Variants in SEC13 observed in about 807,000 individuals in gnomAD.
SEC13 encodes SEC13 homolog, nuclear pore and COPII component.
A neutral mutation model predicts 49.2 loss-of-function variants in SEC13; 25 were observed. The observed-to-expected ratio is 0.51, with a 90% CI of 0.37 to 0.71. The LOEUF (loss-of-function observed/expected upper bound fraction) is 0.71. Among genes scored for constraint, SEC13 ranks in the 30% least tolerant of loss-of-function variants. The probability of loss-of-function intolerance (pLI) is 0.00; values close to 1 mark genes in which losing one functional copy is unlikely to be tolerated. For missense variants in SEC13, 383 were observed against 417.6 expected (o/e 0.92, Z 0.72); for synonymous variants, 148 against 163.9 (o/e 0.90, Z 0.74).
chr3:10,311,508 T>C, intron 5 of SEC13: 3 of 321,702 alleles, frequency 9.3e-6, no homozygotes, highest in Non-Finnish European at 4.5e-6. Flanking sequence ...TATTCCTTGA[T>C]TGAACCACCA....
At chr3:10,308,955 T>C (rs1701073604) in intron 5 of SEC13, among the ~76,000 whole-genome samples, 2 of 123,886 alleles carry the variant, frequency 1.6e-5, no homozygotes, top group Non-Finnish European at 3.5e-5. Context: ...TTTTTTTTTT[T>C]TGAGACAAGT....
intron 1 of SEC13, among the ~76,000 whole-genome samples, chr3:10,320,287 C>A (rs529825704): frequency 6.6e-6 from 1 of 152,182 alleles, no homozygotes; most frequent in African/African-American, 2.4e-5. Context: ...AAACCTGCTG[C>A]TGAGACACAC....
chr3:10,311,171 C>G (rs1263772673), intron 5 of SEC13, among the ~76,000 whole-genome samples: 2 of 152,102 alleles, frequency 1.3e-5, no homozygotes, highest in Non-Finnish European at 2.9e-5. Context: ...AATGGTACGT[C>G]TGCATTGTCC....
chr3:10,305,464 G>C lies in SEC13; in HGVS notation c.584+95C>G, dbSNP rs931350928. 4.8e-6 allele frequency: 7 copies of C among 1,459,770 alleles called. No individual in the cohort carries two copies. In the Admixed American group the frequency reaches 5.9e-5, roughly 12 times the overall value. 90.4% of individuals were successfully genotyped at this position (1,459,770 alleles called of 1,614,324 possible). ...TTACTGGCAGGAGGGAGAAAGAAAGGTGACCTTGTTTCTTGTGAGTGTGGC... is the reference window on the plus strand; with the variant it reads ...TTACTGGCAGGAGGGAGAAAGAAAGCTGACCTTGTTTCTTGTGAGTGTGGC... On this transcript the variant is annotated intron_variant, in intron 6 of 8. Coordinates refer to ENST00000350697, the MANE Select transcript of SEC13 (RefSeq NM_183352.3).
At chr3:10,319,189 T>TG in intron 1 of SEC13, 1 of 1,613,902 alleles carries the variant, frequency 6.2e-7, no homozygotes, top group African/African-American at 1.3e-5. Flanking sequence ...GTATAAAGTT[T>TG]GACTTGTGAT....
intron 1 of SEC13, chr3:10,320,839 C>T (rs1164874463): frequency 2.3e-6 from 3 of 1,318,310 alleles, no homozygotes; most frequent in Non-Finnish European, 2.9e-6. Context: ...AGCGGCGCGC[C>T]CCGCAAAGTC....
chr3:10,305,520 AGT>A (rs1337310257), intron 6 of SEC13, 37 bp downstream of exon 6: 3 of 1,608,922 alleles, frequency 1.9e-6, no homozygotes, highest in Non-Finnish European at 2.5e-6. Flanking sequence ...AAAGGGTAGA[AGT>A]GTCCCCTCAA....
At chr3:10,306,831 C>T (rs553970937) in intron 5 of SEC13, among the ~76,000 whole-genome samples, 1 of 152,216 alleles carries the variant, frequency 6.6e-6, no homozygotes, top group Non-Finnish European at 1.5e-5. Flanking sequence ...TCCTCCTTGC[C>T]TTCTGCCATG....
rs1701524294 is a variant in SEC13 at position 10,315,198 on chromosome 3, T to G, written c.164+123A>C. 3 of 695,546 alleles carry G rather than the reference T, an allele frequency of 4.3e-6. No individual in the cohort carries two copies. In the South Asian group the frequency reaches 5.5e-5, roughly 13 times the overall value. The allele number at this position is 695,546 out of a possible 1,614,324, so 43.1% of individuals were successfully genotyped here. On this transcript the variant is annotated intron_variant, in intron 3 of 8. Transcript: ENST00000350697. ...GGCTGGCTGGGATCCCAGCGTCCTCTCCGCTAAATGTGCTTTGGGGTTGCT... is the reference window on the plus strand; with the variant it reads ...GGCTGGCTGGGATCCCAGCGTCCTCGCCGCTAAATGTGCTTTGGGGTTGCT...
At position 10,321,046 on chromosome 3, in the gene SEC13, T is replaced by C; in HGVS notation, c.3+4A>G. 6.2e-7 allele frequency: 1 copy of C among 1,613,134 alleles called. No individual in the cohort carries two copies. Among genetic ancestry groups the C allele is most frequent in the Non-Finnish European group, 8.5e-7 (1 of 1,179,690 alleles). On this transcript the variant is annotated splice_donor_region_variant and intron_variant, in intron 1 of 8. Coordinates refer to ENST00000350697, the MANE Select transcript of SEC13 (RefSeq NM_183352.3). The surrounding 1 kb of genome is among the most constrained non-coding windows in gnomAD (Gnocchi z 4.1). The stretch of plus-strand genomic sequence containing the variant: ...TGCTAGGCCTCCTCAGTACCAACAC[T>C]CACCATGATTGCGGCGGTGGCTGCT...
chr3:10,304,048 G>T lies in SEC13; in HGVS notation c.833C>A (p.Ala278Asp). The stretch of plus-strand genomic sequence containing the variant: ...TACCTTATTGTCTCCACCAGAGACA[G>T]CCAGGATGTTGGCTGTGATGGACCA... ...VSWSITANIL[A>D]VSGGDNKVTL... Residue 278 changes from alanine (A) to aspartate (D), a missense_variant, in exon 8 of 9, where the codon GCT (alanine) becomes GAT (aspartate). Coordinates refer to ENST00000350697, the MANE Select transcript of SEC13 (RefSeq NM_183352.3). 6.2e-7 allele frequency: 1 copy of T among 1,614,184 alleles called. No individual in the cohort carries two copies. The highest frequency in any genetic ancestry group is 8.5e-7 in the Non-Finnish European group (1 of 1,180,020).
intron 1 of SEC13, 54 bp from the exon 2 acceptor site, chr3:10,318,148 A>G (rs1057176382): frequency 1.6e-6 from 2 of 1,229,750 alleles, no homozygotes; most frequent in Admixed American, 1.7e-5. Flanking sequence ...GAATACAACC[A>G]TCTCAAGTTC....
At chr3:10,309,698 T>G (rs78119707) in intron 5 of SEC13, among the ~76,000 whole-genome samples, 1 of 152,370 alleles carries the variant, frequency 6.6e-6, no homozygotes, top group East Asian at 1.9e-4. Context: ...CTTTCTAATG[T>G]GCTCTCATTG....
chr3:10,320,580 G>A (rs2059758590), intron 1 of SEC13: 1 of 988,798 alleles, frequency 1.0e-6, no homozygotes, highest in Admixed American at 6.1e-5. Flanking sequence ...GAAAGGAATG[G>A]TTAGGAGGGT....
chr3:10,318,786 C>T (rs777175925), intron 1 of SEC13, among the ~76,000 whole-genome samples: 1 of 152,208 alleles, frequency 6.6e-6, no homozygotes, highest in Non-Finnish European at 1.5e-5. Context: ...TGAGGTCCAG[C>T]TCAAAAAGGG....
At chr3:10,319,013 CTGAA>C in intron 1 of SEC13, 1 of 865,790 alleles carries the variant, frequency 1.2e-6, no homozygotes, top group Non-Finnish European at 1.8e-6. Flanking sequence ...CGACTATTTG[CTGAA>C]TGAATAAGTA....
At position 10,305,558 on chromosome 3, in the gene SEC13, C is replaced by T. The variant is rs1185001012; in HGVS notation, c.584+1G>A. 7 of 1,613,696 alleles carry T rather than the reference C, an allele frequency of 4.3e-6. No individual in the cohort carries two copies. The highest frequency in any genetic ancestry group is 5.9e-6 in the Non-Finnish European group (7 of 1,180,004). ...AGAGAAGGCCACACATCCCTACTTA[C>T]TTCCACAGCTTGATGAGGTTGTCAC... On this transcript the variant is annotated splice_donor_variant, in intron 6 of 8. Coordinates refer to ENST00000350697, the MANE Select transcript of SEC13 (RefSeq NM_183352.3). LOFTEE classifies it high-confidence loss of function.
Position 10,320,656 on chromosome 3 carries a change from T to C in SEC13, c.3+394A>G, listed in dbSNP as rs184912387. ...AGGCTCCACGTCTCCGAACCTCAAGTGTCCTCATCTGTAAAGTGTTGAGAA... is the reference window on the plus strand; with the variant it reads ...AGGCTCCACGTCTCCGAACCTCAAGCGTCCTCATCTGTAAAGTGTTGAGAA... On this transcript the variant is annotated intron_variant, in intron 1 of 8. Coordinates refer to ENST00000350697, the MANE Select transcript of SEC13 (RefSeq NM_183352.3). The C allele has an allele frequency of 3.2e-5, 33 of 1,036,560 alleles. No homozygotes were observed. The African/African-American group carries it at 5.6e-4, about 17-fold the overall frequency. 64.2% of individuals were successfully genotyped at this position (1,036,560 alleles called of 1,614,324 possible).
chr3:10,301,189 T>TGTCTGGTTA lies in SEC13; in HGVS notation c.*63_*71dup, dbSNP rs759715888. On this transcript the variant is annotated 3_prime_UTR_variant, in exon 9 of 9. Transcript: ENST00000350697. ...GTTGGAGTTGGGGGCTCTTCCCAGTTGTCTGGTTAGTTGGCCCAGGAAGGG... is the reference window on the plus strand; with the variant it reads ...GTTGGAGTTGGGGGCTCTTCCCAGTTGTCTGGTTAGTCTGGTTAGTTGGCCCAGGAAGGG... 141 of 1,613,936 alleles carry TGTCTGGTTA rather than the reference T, an allele frequency of 8.7e-5. No homozygotes were observed. Among genetic ancestry groups the TGTCTGGTTA allele is most frequent in the Admixed American group, 1.5e-4 (9 of 60,012 alleles).
Sources: allele counts gnomAD v4.1 joint callset (sites outside exome capture counted in the v4.1 genomes callset), GRCh38; gene constraint gnomAD v4.1.1; non-coding constraint Gnocchi (gnomAD v3.1); transcripts MANE v1.5; gene names NCBI Gene and HGNC (gene_info 2026-07-23, HGNC 2026-07-21).